The following GSTA5 variants were observed in gnomAD, a reference collection of about 807,000 sequenced individuals.
GSTA5 encodes glutathione S-transferase A5.
Under a neutral mutation model 21.8 loss-of-function variants are expected in GSTA5, and 25 were observed. That is an observed-to-expected ratio of 1.14 (90% CI 0.83 to 1.60). GSTA5 has a LOEUF of 1.60. Among genes scored for constraint, GSTA5 ranks in the 40% most tolerant of loss-of-function variants. The pLI is 0.00. For missense variants in GSTA5, 330 were observed against 259.2 expected (o/e 1.27, Z -1.88); for synonymous variants, 102 against 89.5 (o/e 1.14, Z -0.78).
upstream of GSTA5, among the ~76,000 whole-genome samples, chr6:52,845,274 C>T (rs1355295565): frequency 4.6e-5 from 7 of 152,228 alleles, no homozygotes; most frequent in East Asian, 1.4e-3. Flanking sequence ...TTCATGTAGT[C>T]CCATGGTTCT....
chr6:52,840,137 T>C (rs543230929), intron 1 of GSTA5, among the ~76,000 whole-genome samples: 1 of 152,382 alleles, frequency 6.6e-6, no homozygotes, highest in Non-Finnish European at 1.5e-5. Context: ...TATTTTCATT[T>C]TTTTGTTGTG....
intron 1 of GSTA5, among the ~76,000 whole-genome samples, chr6:52,840,348 CAT>C (rs1470697187): frequency 6.6e-6 from 1 of 152,162 alleles, no homozygotes; most frequent in Non-Finnish European, 1.5e-5. Flanking sequence ...TCCTAAAACA[CAT>C]AAACTGTTCT....
At chr6:52,833,614 C>G (rs1764248149) in intron 4 of GSTA5, among the ~76,000 whole-genome samples, 1 of 152,218 alleles carries the variant, frequency 6.6e-6, no homozygotes, top group Non-Finnish European at 1.5e-5. Context: ...GCACTGATGT[C>G]TGCAACTTAC....
chr6:52,833,600 G>A (rs1367567422), intron 4 of GSTA5, among the ~76,000 whole-genome samples: 1 of 152,132 alleles, frequency 6.6e-6, no homozygotes, highest in Non-Finnish European at 1.5e-5. Flanking sequence ...TTTAGGGGTG[G>A]ACTGCACTGA....
upstream of GSTA5, among the ~76,000 whole-genome samples, chr6:52,845,663 A>G (rs193177825): frequency 2.5e-4 from 38 of 152,352 alleles, 1 homozygote. Context: ...CACAGCCAAT[A>G]TAGTATTACA....
intron 2 of GSTA5, among the ~76,000 whole-genome samples, chr6:52,837,313 AG>A (rs1430430528): frequency 1.3e-5 from 2 of 152,152 alleles, no homozygotes; most frequent in African/African-American, 2.4e-5. Flanking sequence ...AAACAGAAAA[AG>A]GGCTTTCCCC....
At chr6:52,842,982 A>G (rs1354634224), upstream of GSTA5, among the ~76,000 whole-genome samples, 7 of 152,014 alleles carry the variant, frequency 4.6e-5, no homozygotes, top group Non-Finnish European at 1.0e-4. Flanking sequence ...ACTCCCACTT[A>G]TGAGTGAGAA....
At chr6:52,840,672 G>T in intron 1 of GSTA5, 55 bp downstream of exon 1, 1 of 1,468,248 alleles carries the variant, frequency 6.8e-7, no homozygotes, top group Non-Finnish European at 9.5e-7. Flanking sequence ...TGTGGGAAAA[G>T]TATGTGATAA....
rs1561925144 is a variant in GSTA5, at chr6:52,831,936, A to G, written c.581T>C (p.Val194Ala). ...GCTGCCAGGCTGCAGAAACTTCTTC[A>G]CCGTGGGCAGGTTGCTGATTCTGGT... The change falls in exon 6 of 6, where the codon GTG becomes GCG. Residue 194 changes from valine to alanine, a missense_variant. Coordinates refer to ENST00000370989, the Ensembl canonical transcript of GSTA5. 1.9e-6 allele frequency: 3 copies of G among 1,613,794 alleles called. No individual in the cohort carries two copies. Among genetic ancestry groups the G allele is most frequent in the Admixed American group, 3.3e-5 (2 of 59,942 alleles).
chr6:52,838,740 G>A (rs971159375), intron 1 of GSTA5, among the ~76,000 whole-genome samples: 2 of 152,200 alleles, frequency 1.3e-5, no homozygotes, highest in African/African-American at 4.8e-5. Context: ...TTTCAATGTT[G>A]TTATGATCTG....
intron 1 of GSTA5, among the ~76,000 whole-genome samples, chr6:52,838,040 A>G (rs1447665921): frequency 6.6e-6 from 1 of 152,204 alleles, no homozygotes. Context: ...GCCACCAAGG[A>G]GCCTCTGCTA....
At chr6:52,842,368 G>A (rs1464278017), upstream of GSTA5, among the ~76,000 whole-genome samples, 1 of 149,998 alleles carries the variant, frequency 6.7e-6, no homozygotes, top group African/African-American at 2.5e-5. Context: ...GTTGAGTTTA[G>A]AAGAAAAATA....
exon 5 of GSTA5, chr6:52,832,965 T>C: frequency 6.2e-7 from 1 of 1,614,086 alleles, no homozygotes; most frequent in African/African-American, 1.3e-5. Context: ...GCCAACAAGG[T>C]AGTCTTGTCT....
At chr6:52,840,990 T>C (rs551147026), upstream of GSTA5, 4 of 605,184 alleles carry the variant, frequency 6.6e-6, no homozygotes, top group East Asian at 8.7e-5. Context: ...TTGGCTCAAA[T>C]TGTTACCCAG....
intron 4 of GSTA5, among the ~76,000 whole-genome samples, chr6:52,833,705 C>A (rs1430783505): frequency 6.6e-6 from 1 of 152,150 alleles, no homozygotes; most frequent in Non-Finnish European, 1.5e-5. Flanking sequence ...TGAAACACTG[C>A]AATATTCTCT....
chr6:52,836,485 GT>G, intron 2 of GSTA5, 117 bp from the exon 3 acceptor site: 9 of 1,076,948 alleles, frequency 8.4e-6, no homozygotes, highest in Non-Finnish European at 1.1e-5. Flanking sequence ...ATTATTGCCT[GT>G]TAAGTTTTCA....
At chr6:52,843,914 A>G (rs1449745311), upstream of GSTA5, among the ~76,000 whole-genome samples, 1 of 152,168 alleles carries the variant, frequency 6.6e-6, no homozygotes, top group East Asian at 1.9e-4. Flanking sequence ...TAACTAACAT[A>G]TCGCCTCTCA....
chr6:52,832,945 T>A, exon 5 of GSTA5: 1 of 1,614,120 alleles, frequency 6.2e-7, no homozygotes, highest in South Asian at 1.1e-5. Flanking sequence ...TCAGCCCAGC[T>A]CAGCTTGTTG....
intron 5 of GSTA5, among the ~76,000 whole-genome samples, chr6:52,832,270 C>G (rs1290395997): frequency 6.6e-6 from 1 of 152,084 alleles, no homozygotes; most frequent in Non-Finnish European, 1.5e-5. Flanking sequence ...AATCAATATG[C>G]CTGTGAGATA....
Sources: allele counts gnomAD v4.1 joint callset (sites outside exome capture counted in the v4.1 genomes callset), GRCh38; gene constraint gnomAD v4.1.1; transcripts MANE v1.5; gene names NCBI Gene and HGNC (gene_info 2026-07-23, HGNC 2026-07-21).